The following SORCS1 variants were observed in gnomAD, a reference collection of about 807,000 sequenced individuals.
SORCS1 encodes the protein VPS10 domain-containing receptor SorCS1.
SORCS1 carries 60 observed loss-of-function variants against 146.1 expected under a neutral mutation model. That is an observed-to-expected ratio of 0.41 (90% CI 0.33 to 0.51). SORCS1 has a LOEUF of 0.51. Ranked by LOEUF, SORCS1 falls within the 20% of genes least tolerant of loss-of-function variation. The pLI, the probability that SORCS1 is intolerant of heterozygous loss-of-function variation, is 0.21. For missense variants in SORCS1, 1,352 were observed against 1,487.6 expected, an observed-to-expected ratio of 0.91 and a Z score of 1.50; for synonymous variants, 637 against 584.0, an observed-to-expected ratio of 1.09 and a Z score of -1.31.
At chr10:106,723,411 A>ACACT (rs1483532187) in intron 6 of SORCS1, among the ~76,000 whole-genome samples, 12 of 151,806 alleles carry the variant, frequency 7.9e-5, no homozygotes, top group Non-Finnish European at 1.6e-4. Context: ...ACACACACAC[A>ACACT]CACACACAGA....
At chr10:106,637,343 T>G (rs1382432486) in intron 18 of SORCS1, among the ~76,000 whole-genome samples, 1 of 152,164 alleles carries the variant, frequency 6.6e-6, no homozygotes. Context: ...GTTCCCAGGA[T>G]GTCTGGTTTG....
rs919153488 is a variant in SORCS1, at chr10:106,618,363, C to T, written c.2797-91G>A. The T allele has an allele frequency of 4.6e-6, 7 of 1,507,878 alleles. No individual in the cohort carries two copies. The Admixed American group carries it at 7.2e-5, about 16-fold the overall frequency. The allele number at this position is 1,507,878 out of a possible 1,614,324, so 93.4% of individuals were successfully genotyped here. A position where few individuals can be genotyped will look rare whatever the true frequency, so the allele number is the denominator to read the frequency against. Reference sequence around the variant, plus strand: ...TGTGAGCCAACAATAGGCTGTCTAACCCAGCAGAGGCTCTTCCTGATGTAC... The same window carrying T: ...TGTGAGCCAACAATAGGCTGTCTAATCCAGCAGAGGCTCTTCCTGATGTAC... On this transcript the variant is annotated intron_variant, in intron 20 of 25. Transcript: ENST00000263054.
intron 1 of SORCS1, among the ~76,000 whole-genome samples, chr10:107,039,222 G>A (rs1959054723): frequency 6.6e-6 from 1 of 151,698 alleles, no homozygotes; most frequent in African/African-American, 2.4e-5. Context: ...CAGCTACTTG[G>A]GAGGCCGAGG....
intron 18 of SORCS1, among the ~76,000 whole-genome samples, chr10:106,638,943 A>AG (rs1370711350): frequency 6.6e-6 from 1 of 152,196 alleles, no homozygotes; most frequent in Non-Finnish European, 1.5e-5. Context: ...TGATTTTTAC[A>AG]ATTCTATTAT....
intron 1 of SORCS1, among the ~76,000 whole-genome samples, chr10:106,993,625 G>C (rs1218954593): frequency 6.6e-6 from 1 of 152,140 alleles, no homozygotes; most frequent in Non-Finnish European, 1.5e-5. Flanking sequence ...ATCAGGTACA[G>C]TATCATGCCC....
At position 106,957,017 on chromosome 10, in the gene SORCS1, G is replaced by A. The variant is rs372957655; in HGVS notation, c.559-437C>T. On this transcript the variant is annotated intron_variant, in intron 1 of 25. Coordinates refer to ENST00000263054, the MANE Select transcript of SORCS1 (RefSeq NM_052918.5). ...GTGCCTAGCTACCATCTTTTTGGGAGACAGCAAAGAATTATTTGAAAGAAT... is the reference window on the plus strand; with the variant it reads ...GTGCCTAGCTACCATCTTTTTGGGAAACAGCAAAGAATTATTTGAAAGAAT... Among the ~76,000 whole-genome samples, 5 of 152,296 alleles carry A rather than the reference G, an allele frequency of 3.3e-5. No homozygotes were observed. In the East Asian group the frequency reaches 9.6e-4, roughly 29 times the overall value.
intron 5 of SORCS1, among the ~76,000 whole-genome samples, chr10:106,754,089 C>T (rs1320532537): frequency 6.6e-6 from 1 of 152,202 alleles, no homozygotes; most frequent in Non-Finnish European, 1.5e-5. Flanking sequence ...ACCTTAGTCT[C>T]TCCTGGGGCA....
intron 1 of SORCS1, among the ~76,000 whole-genome samples, chr10:106,968,993 G>A (rs1254241197): frequency 6.6e-6 from 1 of 152,114 alleles, no homozygotes; most frequent in East Asian, 1.9e-4. Context: ...GAGTGCTAAG[G>A]TGTGGTGAGA....
At chr10:107,061,808 G>A (rs763405200) in intron 1 of SORCS1, among the ~76,000 whole-genome samples, 29 of 152,066 alleles carry the variant, frequency 1.9e-4, no homozygotes, top group Non-Finnish European at 2.8e-4. Flanking sequence ...CTAAACACAT[G>A]AATGACTCAT....
chr10:106,907,620 G>A (rs1951965156), intron 2 of SORCS1, among the ~76,000 whole-genome samples: 1 of 152,026 alleles, frequency 6.6e-6, no homozygotes, highest in African/African-American at 2.4e-5. Context: ...GAGTATCCAT[G>A]AATAATGTTA....
chr10:106,975,144 G>A (rs1341752927), intron 1 of SORCS1, among the ~76,000 whole-genome samples: 1 of 152,170 alleles, frequency 6.6e-6, no homozygotes, highest in African/African-American at 2.4e-5. Context: ...ATTTCCATCT[G>A]ATTTAAATAA....
At position 106,989,680 on chromosome 10, in the gene SORCS1, G is replaced by GTTTTTTTTTTTT. The variant is rs761689988; in HGVS notation, c.559-33112_559-33101dup. ...ACTCATATTTTTTCTGTTTTTTTTT[G>GTTTTTTTTTTTT]TTTTTTTTTTTTTTTTTTTTTTCTG... is the stretch of plus-strand genomic sequence containing the variant. On this transcript the variant is annotated intron_variant, in intron 1 of 25. Coordinates refer to ENST00000263054, the MANE Select transcript of SORCS1 (RefSeq NM_052918.5). Among the ~76,000 whole-genome samples, 30 of 70,354 alleles carry GTTTTTTTTTTTT rather than the reference G, an allele frequency of 4.3e-4. 1 individual carries two copies. Among genetic ancestry groups the GTTTTTTTTTTTT allele is most frequent in the African/African-American group, 1.3e-3 (25 of 18,672 alleles). 46.2% of individuals were successfully genotyped at this position (70,354 alleles called of 152,430 possible).
intron 1 of SORCS1, among the ~76,000 whole-genome samples, chr10:107,088,726 T>A (rs1047501807): frequency 6.6e-6 from 1 of 152,192 alleles, no homozygotes; most frequent in Non-Finnish European, 1.5e-5. Context: ...TGTCTCCTAC[T>A]CATCTGTAAT....
chr10:106,807,448 G>C (rs1947244530), intron 3 of SORCS1, among the ~76,000 whole-genome samples: 1 of 152,112 alleles, frequency 6.6e-6, no homozygotes, highest in Non-Finnish European at 1.5e-5. Flanking sequence ...AGTCCCTATT[G>C]CCTGCCCCTG....
rs1847175436 is a variant in SORCS1 at position 106,613,853 on chromosome 10, T to G, written c.2921-1830A>C. Among the ~76,000 whole-genome samples the G allele has an allele frequency of 2.0e-5, 3 of 152,034 alleles. No homozygotes were observed. In the South Asian group the frequency reaches 6.2e-4, roughly 32 times the overall value. On this transcript the variant is annotated intron_variant, in intron 21 of 25. Coordinates refer to ENST00000263054, the MANE Select transcript of SORCS1 (RefSeq NM_052918.5). ...CTCCAGGACCTGTACTTCCCTGTGC[T>G]CCTCAATCCTGCTGGCTCTGTCCAT...
In SORCS1 at chr10:107,042,184, A is replaced by C. The variant is rs563882466; in HGVS notation, c.559-85604T>G. On this transcript the variant is annotated intron_variant, in intron 1 of 25. Transcript: ENST00000263054. ...AGCCACGGATCTCCTGTTGTGGTTT[A>C]GAACTTGTATCTATAAATTTCATTC... is the stretch of plus-strand genomic sequence containing the variant. 2.0e-5 allele frequency among the ~76,000 whole-genome samples: 3 copies of C among 152,314 alleles called. No individual in the cohort carries two copies. In the East Asian group the frequency reaches 5.8e-4, roughly 29 times the overall value.
chr10:106,644,175 T>C (rs553504527), intron 18 of SORCS1, among the ~76,000 whole-genome samples: 162 of 152,316 alleles, frequency 1.1e-3, no homozygotes, highest in African/African-American at 3.5e-3. Flanking sequence ...GTAAGCTTTT[T>C]GTTGAGTAAA....
intron 5 of SORCS1, among the ~76,000 whole-genome samples, chr10:106,744,001 A>T (rs1438772376): frequency 2.0e-5 from 3 of 152,202 alleles, no homozygotes; most frequent in Non-Finnish European, 2.9e-5. Flanking sequence ...ACGATGTAAT[A>T]TTAGAACACA....
At chr10:107,009,664 C>T (rs567676460) in intron 1 of SORCS1, among the ~76,000 whole-genome samples, 11 of 152,160 alleles carry the variant, frequency 7.2e-5, no homozygotes, top group African/African-American at 2.6e-4. Flanking sequence ...GGGACAGGCA[C>T]CAAAATACGC....
Sources: allele counts gnomAD v4.1 joint callset (sites outside exome capture counted in the v4.1 genomes callset), GRCh38; gene constraint gnomAD v4.1.1; transcripts MANE v1.5; gene names NCBI Gene and HGNC (gene_info 2026-07-23, HGNC 2026-07-21).